CSMD1: variants seen among roughly 807,000 people sequenced by gnomAD.
CSMD1 encodes the protein CUB and sushi domain-containing protein 1.
CSMD1 carries 213 observed loss-of-function variants against 417.5 expected under a neutral mutation model. The ratio of observed to expected loss-of-function variants is 0.51; its 90% confidence interval spans 0.46 to 0.57. CSMD1 has a LOEUF of 0.57. Among genes scored for constraint, CSMD1 ranks in the 20% least tolerant of loss-of-function variants. CSMD1 has a pLI of 0.00. For synonymous variants in CSMD1, 2,862 were observed against 1,736.8 expected, an observed-to-expected ratio of 1.65 and a Z score of -16.11; for missense variants, 6,923 against 4,529.7, an observed-to-expected ratio of 1.53 and a Z score of -15.17.
chr8:3,993,041 G>C (rs919910214), intron 5 of CSMD1, among the ~76,000 whole-genome samples: 2 of 152,206 alleles, frequency 1.3e-5, no homozygotes, highest in Non-Finnish European at 2.9e-5. Context: ...TGGAGCCCTG[G>C]ACCAGAAAAG....
chr8:4,878,258 G>C lies in CSMD1; in HGVS notation c.85+116074C>G, dbSNP rs1393609026. 2.6e-5 allele frequency among the ~76,000 whole-genome samples: 4 copies of C among 152,162 alleles called. No homozygotes were observed. In the South Asian group the frequency reaches 8.3e-4, roughly 32 times the overall value. On this transcript the variant is annotated intron_variant, in intron 1 of 69. Transcript: ENST00000635120. Reference sequence around the variant, plus strand: ...AGGGTCAGGGAAGGAAAGGAAAAAAGTAAATTAATGGTGCTTTCTTGACCA... The same window carrying C: ...AGGGTCAGGGAAGGAAAGGAAAAAACTAAATTAATGGTGCTTTCTTGACCA...
At chr8:3,028,345 C>T (rs1230889075) in intron 51 of CSMD1, among the ~76,000 whole-genome samples, 1 of 152,086 alleles carries the variant, frequency 6.6e-6, no homozygotes. Flanking sequence ...ATTTCCTAAG[C>T]TGCAAAGGTG....
chr8:4,129,163 C>T (rs1647345), intron 3 of CSMD1, among the ~76,000 whole-genome samples: 145,849 of 151,516 alleles, frequency 0.96, 70,448 homozygotes, highest in South Asian at 1. Flanking sequence ...ACCAACACAT[C>T]CCCAACCTCT....
chr8:3,865,545 C>T (rs550532017), intron 5 of CSMD1, among the ~76,000 whole-genome samples: 22 of 152,054 alleles, frequency 1.4e-4, no homozygotes, highest in Admixed American at 1.2e-3. Context: ...AATGAGGGAC[C>T]AAGCAGGCAC....
In CSMD1 at chr8:4,237,490, C is replaced by T. The variant is rs73498558; in HGVS notation, c.415+182463G>A. 1.6e-3 allele frequency among the ~76,000 whole-genome samples: 240 copies of T among 151,830 alleles called. 1 individual carries two copies. Among genetic ancestry groups the T allele is most frequent in the African/African-American group, 5.5e-3 (226 of 41,376 alleles). ...TGAGGAATAAGGTAATATGGCTAAA[C>T]GGTCTTCACTCTTGAACATGATGCT... On this transcript the variant is annotated intron_variant, in intron 3 of 69. Transcript: ENST00000635120.
In CSMD1 at chr8:4,874,452, C is replaced by A. The variant is rs372303833; in HGVS notation, c.85+119880G>T. ...TCACCCAGGCTGGCATGCAGTGTTC[C>A]ATTCTCGACTCACTGCAATCTCTGC... On this transcript the variant is annotated intron_variant, in intron 1 of 69. Transcript: ENST00000635120. Among the ~76,000 whole-genome samples the A allele has an allele frequency of 4.5e-4, 64 of 141,350 alleles. 1 individual carries two copies. The highest frequency in any genetic ancestry group is 4.1e-3 in the Middle Eastern group (1 of 242). 92.7% of individuals were successfully genotyped at this position (141,350 alleles called of 152,430 possible). A position where few individuals can be genotyped will look rare whatever the true frequency, so the allele number is the denominator to read the frequency against.
At chr8:3,062,858 G>A (rs1394467771) in intron 49 of CSMD1, among the ~76,000 whole-genome samples, 1 of 152,132 alleles carries the variant, frequency 6.6e-6, no homozygotes, top group Admixed American at 6.5e-5. Context: ...GCAAGTAACT[G>A]ACTTTTACCC....
At chr8:3,641,891 G>A (rs1001008498) in intron 7 of CSMD1, among the ~76,000 whole-genome samples, 1 of 152,160 alleles carries the variant, frequency 6.6e-6, no homozygotes, top group African/African-American at 2.4e-5. Context: ...TCGCTACATA[G>A]GCAATGTGTG....
At chr8:4,085,724 A>G (rs1800383664) in intron 3 of CSMD1, among the ~76,000 whole-genome samples, 1 of 152,194 alleles carries the variant, frequency 6.6e-6, no homozygotes, top group South Asian at 2.1e-4. Context: ...CATTCTGGAA[A>G]TGACCTAATA....
chr8:4,696,925 G>C (rs904540822), intron 1 of CSMD1, among the ~76,000 whole-genome samples: 1 of 152,178 alleles, frequency 6.6e-6, no homozygotes, highest in African/African-American at 2.4e-5. Flanking sequence ...TGTAATCCCA[G>C]CACTTTAGGA....
intron 12 of CSMD1, among the ~76,000 whole-genome samples, chr8:3,436,612 T>C (rs1814581996): frequency 6.6e-6 from 1 of 152,344 alleles, no homozygotes; most frequent in African/African-American, 2.4e-5. Flanking sequence ...TTGATCATAA[T>C]AAACATCACA....
intron 5 of CSMD1, among the ~76,000 whole-genome samples, chr8:3,975,976 A>C (rs918616125): frequency 3.9e-5 from 6 of 152,146 alleles, no homozygotes; most frequent in African/African-American, 1.4e-4. Flanking sequence ...ATCAGTTTTT[A>C]ATCTATCAGT....
At chr8:3,179,464 G>C (rs1821172081) in intron 37 of CSMD1, among the ~76,000 whole-genome samples, 1 of 152,198 alleles carries the variant, frequency 6.6e-6, no homozygotes, top group South Asian at 2.1e-4. Context: ...ATCTGAATGA[G>C]AAATATGTTA....
intron 2 of CSMD1, among the ~76,000 whole-genome samples, chr8:4,425,131 T>C (rs960642469): frequency 2.6e-5 from 4 of 152,030 alleles, no homozygotes; most frequent in African/African-American, 9.7e-5. Context: ...TAGCACTTAA[T>C]TAAATACAAT....
At chr8:3,885,553 C>T (rs1021985944) in intron 5 of CSMD1, among the ~76,000 whole-genome samples, 4 of 152,160 alleles carry the variant, frequency 2.6e-5, no homozygotes, top group African/African-American at 9.7e-5. Context: ...AGAACTGTTG[C>T]TCCACCTAGT....
chr8:4,376,949 C>T (rs1476896993), intron 3 of CSMD1, among the ~76,000 whole-genome samples: 1 of 152,162 alleles, frequency 6.6e-6, no homozygotes, highest in Non-Finnish European at 1.5e-5. Flanking sequence ...ATGTTCACTC[C>T]TCCACTCACC....
At chr8:3,115,246 G>C (rs1816795661) in intron 42 of CSMD1, among the ~76,000 whole-genome samples, 1 of 130,134 alleles carries the variant, frequency 7.7e-6, no homozygotes, top group Non-Finnish European at 1.6e-5. Flanking sequence ...TTGTCACCCA[G>C]GCTGGAGTGC....
At chr8:3,117,716 G>C (rs181145860) in intron 42 of CSMD1, among the ~76,000 whole-genome samples, 20 of 152,162 alleles carry the variant, frequency 1.3e-4, no homozygotes, top group Non-Finnish European at 2.5e-4. Flanking sequence ...TTCCTGCTCA[G>C]AAAAAGGACG....
At chr8:4,302,836 G>C (rs1414548917) in intron 3 of CSMD1, among the ~76,000 whole-genome samples, 1 of 152,106 alleles carries the variant, frequency 6.6e-6, no homozygotes, top group African/African-American at 2.4e-5. Context: ...TAGTGACCCT[G>C]TGTTTTCCAG....
Sources: allele counts gnomAD v4.1 joint callset (sites outside exome capture counted in the v4.1 genomes callset), GRCh38; gene constraint gnomAD v4.1.1; transcripts MANE v1.5; gene names NCBI Gene and HGNC (gene_info 2026-07-23, HGNC 2026-07-21).